Variants in CCN4 observed in about 807,000 individuals in gnomAD.
CCN4 encodes cellular communication network factor 4, also known as CCN family member 4.
CCN4 carries 30 observed loss-of-function variants against 36.7 expected under a neutral mutation model. The observed-to-expected ratio is 0.82, with a 90% CI of 0.61 to 1.11. The LOEUF is 1.11. Ranked by LOEUF, CCN4 falls within the 50% of genes least tolerant of loss-of-function variation. The probability of loss-of-function intolerance (pLI) is 0.00; values close to 1 mark genes in which losing one functional copy is unlikely to be tolerated. For synonymous variants in CCN4, 191 were observed against 195.4 expected (o/e 0.98, Z 0.19); for missense variants, 505 against 504.9 (o/e 1.00, Z 0.00).
Position 133,228,503 on chromosome 8 carries a change from A to C in CCN4, c.*793A>C, listed in dbSNP as rs1217537847. ...CACACTGAATCAGCTGCTGACTGGC[A>C]GGGCTTTGGGCAGTTGGCCAGGCTC... On this transcript the variant is annotated 3_prime_UTR_variant, in exon 5 of 5. Transcript: ENST00000250160. 6.6e-6 allele frequency: 1 copy of C among 152,276 alleles called. No individual in the cohort carries two copies. The highest frequency in any genetic ancestry group is 1.5e-5 in the Non-Finnish European group (1 of 68,112). The allele number at this position is 152,276 out of a possible 1,614,324, so 9.4% of individuals were successfully genotyped here.
At chr8:133,195,760 C>T (rs532610471) in intron 1 of CCN4, among the ~76,000 whole-genome samples, 1 of 152,224 alleles carries the variant, frequency 6.6e-6, no homozygotes, top group Non-Finnish European at 1.5e-5. Context: ...GGCTCCACAG[C>T]AAGCCCCACC....
intron 2 of CCN4, among the ~76,000 whole-genome samples, chr8:133,216,915 T>G (rs1430768405): frequency 2.0e-5 from 3 of 152,230 alleles, no homozygotes; most frequent in Non-Finnish European, 2.9e-5. Flanking sequence ...ACCTCAGTCT[T>G]ATTCACGGCC....
chr8:133,221,900 T>C (rs1414808105), intron 3 of CCN4, among the ~76,000 whole-genome samples: 1 of 148,104 alleles, frequency 6.8e-6, no homozygotes, highest in Non-Finnish European at 1.5e-5. Flanking sequence ...GATGGATGGG[T>C]CAATTAATGG....
intron 1 of CCN4, among the ~76,000 whole-genome samples, chr8:133,211,697 G>A (rs1024822237): frequency 1.3e-5 from 2 of 152,204 alleles, no homozygotes; most frequent in African/African-American, 2.4e-5. Flanking sequence ...CCCCACAGAA[G>A]CCCTGGATTC....
In CCN4 at chr8:133,213,102, A is replaced by T. The variant is rs575741756; in HGVS notation, c.308A>T (p.Tyr103Phe). 6.2e-7 allele frequency: 1 copy of T among 1,613,702 alleles called. No individual in the cohort carries two copies. Among genetic ancestry groups the T allele is most frequent in the South Asian group, 1.1e-5 (1 of 91,078 alleles). Residue 103 changes from tyrosine (Y) to phenylalanine (F), a missense_variant, in exon 2 of 5, where the codon TAC becomes TTC. Tyr to Phe is a conservative substitution (Grantham distance 22, BLOSUM62 3). Transcript: ENST00000250160. ...CCCCACCGGGGCCTCTACTGTGACT[A>T]CAGCGGGGACCGCCCGAGGTACGCA... Reference protein sequence around the residue: ...CDPHRGLYCDYSGDRPRYAIG... With the variant: ...CDPHRGLYCDFSGDRPRYAIG...
At chr8:133,192,402 G>T (rs1318226044) in intron 1 of CCN4, among the ~76,000 whole-genome samples, 1 of 152,190 alleles carries the variant, frequency 6.6e-6, no homozygotes, top group Non-Finnish European at 1.5e-5. Flanking sequence ...CTCACGCCTG[G>T]CATGGTGCCT....
intron 1 of CCN4, among the ~76,000 whole-genome samples, chr8:133,194,200 A>G (rs577988110): frequency 1.8e-4 from 28 of 151,994 alleles, no homozygotes; most frequent in African/African-American, 6.8e-4. Context: ...TGCATGTGGG[A>G]TGTGCATAGC....
chr8:133,219,918 T>A (rs987369205), intron 2 of CCN4, among the ~76,000 whole-genome samples: 1 of 152,178 alleles, frequency 6.6e-6, no homozygotes, highest in Non-Finnish European at 1.5e-5. Context: ...TTATGTAAAA[T>A]TAAATGAGCT....
intron 1 of CCN4, among the ~76,000 whole-genome samples, chr8:133,198,874 G>C (rs1010911590): frequency 6.6e-6 from 1 of 152,182 alleles, no homozygotes; most frequent in Non-Finnish European, 1.5e-5. Context: ...TGCACATGCT[G>C]TGCCCTCTAC....
intron 1 of CCN4, among the ~76,000 whole-genome samples, chr8:133,193,945 G>A (rs560968960): frequency 6.6e-6 from 1 of 152,294 alleles, no homozygotes; most frequent in East Asian, 1.9e-4. Flanking sequence ...GCCACTGGCT[G>A]TGTCGGCCGC....
At chr8:133,210,999 C>T (rs757987059) in intron 1 of CCN4, among the ~76,000 whole-genome samples, 23 of 152,180 alleles carry the variant, frequency 1.5e-4, no homozygotes, top group Non-Finnish European at 2.4e-4. Flanking sequence ...AGCTTCAAGT[C>T]GGGTTTTGTC....
chr8:133,191,139 C>T lies in CCN4; in HGVS notation c.-6C>T. The T allele has an allele frequency of 6.2e-7, 1 of 1,606,266 alleles. No homozygotes were observed. Among genetic ancestry groups the T allele is most frequent in the Non-Finnish European group, 8.5e-7 (1 of 1,179,850 alleles). ...CGGTCGATGCCTGTGCCACTGACGT[C>T]CAGGCATGAGGTGGTTCCTGCCCTG... On this transcript the variant is annotated 5_prime_UTR_variant, in exon 1 of 5. Coordinates refer to ENST00000250160, the MANE Select transcript of CCN4 (RefSeq NM_003882.4).
chr8:133,214,202 TATTA>T (rs1854228723), intron 2 of CCN4, among the ~76,000 whole-genome samples: 1 of 147,668 alleles, frequency 6.8e-6, no homozygotes, highest in Admixed American at 6.9e-5. Flanking sequence ...TTCTGCTATA[TATTA>T]ATTGCCTTGA....
chr8:133,207,083 C>T (rs757410798), intron 1 of CCN4, among the ~76,000 whole-genome samples: 20 of 152,206 alleles, frequency 1.3e-4, no homozygotes, highest in Non-Finnish European at 2.4e-4. Context: ...GTCCTTCTGC[C>T]GTTCCCTGCT....
At position 133,231,241 on chromosome 8, in the gene CCN4, G is replaced by A. The variant is rs547238752; in HGVS notation, c.*3531G>A. 6.6e-6 allele frequency: 1 copy of A among 152,172 alleles called. No individual in the cohort carries two copies. Among genetic ancestry groups the A allele is most frequent in the Non-Finnish European group, 1.5e-5 (1 of 68,000 alleles). 9.4% of individuals were successfully genotyped at this position (152,172 alleles called of 1,614,324 possible). A position where few individuals can be genotyped will look rare whatever the true frequency, so the allele number is the denominator to read the frequency against. ...CTATGTCGCTGCTTTTTACAAACTT[G>A]TCTTGATCCAAAGCAGTCACAATGA... On this transcript the variant is annotated 3_prime_UTR_variant, in exon 5 of 5. Coordinates refer to ENST00000250160, the MANE Select transcript of CCN4 (RefSeq NM_003882.4).
At chr8:133,202,441 A>G (rs1299262793) in intron 1 of CCN4, among the ~76,000 whole-genome samples, 1 of 152,202 alleles carries the variant, frequency 6.6e-6, no homozygotes, top group African/African-American at 2.4e-5. Context: ...TAGATGCTTT[A>G]TATACAGATT....
At chr8:133,195,276 GGT>G (rs1042986708) in intron 1 of CCN4, among the ~76,000 whole-genome samples, 59 of 149,380 alleles carry the variant, frequency 3.9e-4, no homozygotes, top group Admixed American at 4.7e-4. Context: ...GTGTGTGGGT[GGT>G]GTGTGTGTGT....
chr8:133,223,754 A>G (rs1854619546), intron 3 of CCN4, among the ~76,000 whole-genome samples: 1 of 150,740 alleles, frequency 6.6e-6, no homozygotes, highest in African/African-American at 2.4e-5. Flanking sequence ...TCCTCTCCTC[A>G]TGCACATGTG....
In CCN4 at chr8:133,229,736, CT is replaced by C. The variant is rs1854888300; in HGVS notation, c.*2028del. 6.6e-6 allele frequency: 1 copy of C among 152,216 alleles called. No homozygotes were observed. The highest frequency in any genetic ancestry group is 2.1e-4 in the South Asian group (1 of 4,832). The allele number at this position is 152,216 out of a possible 1,614,324, so 9.4% of individuals were successfully genotyped here. On this transcript the variant is annotated 3_prime_UTR_variant, in exon 5 of 5. Transcript: ENST00000250160. The stretch of plus-strand genomic sequence containing the variant: ...TCCTACTTTTATTCGAAGCTCTCTT[CT>C]TCCAAAGCTACATGAAAATAGAATT...
Sources: allele counts gnomAD v4.1 joint callset (sites outside exome capture counted in the v4.1 genomes callset), GRCh38; gene constraint gnomAD v4.1.1; transcripts MANE v1.5; gene names NCBI Gene and HGNC (gene_info 2026-07-23, HGNC 2026-07-21).